The following GABRB1 variants were observed in gnomAD, a reference collection of about 807,000 sequenced individuals.
GABRB1 encodes gamma-aminobutyric acid type A receptor subunit beta1, also known as gamma-aminobutyric acid receptor subunit beta-1.
GABRB1 carries 17 observed loss-of-function variants against 51.6 expected under a neutral mutation model. The ratio of observed to expected loss-of-function variants is 0.33; its 90% CI spans 0.23 to 0.49. The LOEUF (loss-of-function observed/expected upper bound fraction) is 0.49. Among genes scored for constraint, GABRB1 ranks in the 20% least tolerant of loss-of-function variants. GABRB1 has a pLI of 0.99. For synonymous variants in GABRB1, 247 were observed against 218.9 expected, an observed-to-expected ratio of 1.13 and a Z score of -1.14; for missense variants, 410 against 600.6, an observed-to-expected ratio of 0.68 and a Z score of 3.32.
chr4:47,201,793 A>G (rs111708457), intron 4 of GABRB1, among the ~76,000 whole-genome samples: 3,257 of 152,334 alleles, frequency 0.021, 68 homozygotes, highest in Admixed American at 0.037. Flanking sequence ...AAAAATGTCA[A>G]CCAAAATAGC....
At chr4:47,186,226 G>A (rs1719175993) in intron 4 of GABRB1, among the ~76,000 whole-genome samples, 1 of 150,834 alleles carries the variant, frequency 6.6e-6, no homozygotes, top group African/African-American at 2.4e-5. Flanking sequence ...TGGGGGGGCG[G>A]GGGGTAAGTC....
chr4:47,032,816 T>C, intron 3 of GABRB1: 1 of 504,002 alleles, frequency 2.0e-6, no homozygotes, highest in South Asian at 1.7e-5. Flanking sequence ...CACCATCTGC[T>C]GGCAGCCGGG....
At chr4:47,175,256 C>T (rs866049292) in intron 4 of GABRB1, among the ~76,000 whole-genome samples, 1 of 150,412 alleles carries the variant, frequency 6.6e-6, no homozygotes, top group South Asian at 2.1e-4. Context: ...TGAGGTCTTC[C>T]TATGTTGCTC....
chr4:47,123,551 T>A (rs1169493532), intron 3 of GABRB1, among the ~76,000 whole-genome samples: 4 of 38,158 alleles, frequency 1.0e-4, no homozygotes, highest in Non-Finnish European at 1.4e-4. Flanking sequence ...TATAATATAT[T>A]ATATATTATA....
At position 47,006,469 on chromosome 4, in the gene GABRB1, C is replaced by T. The variant is rs1373436623; in HGVS notation, c.-20+12543C>T. Among the ~76,000 whole-genome samples, 9 of 152,238 alleles carry T rather than the reference C, an allele frequency of 5.9e-5. No homozygotes were observed. In the South Asian group the frequency reaches 1.9e-3, roughly 32 times the overall value. On this transcript the variant is annotated intron_variant, in intron 1 of 3. Coordinates refer to the GABRB1 transcript ENST00000513567. ...TTTTATAGGTCAGGTACATCTATTGCATCTATAATATGTCTTATAACATGA... is the reference window on the plus strand; with the variant it reads ...TTTTATAGGTCAGGTACATCTATTGTATCTATAATATGTCTTATAACATGA...
At chr4:47,180,664 A>T (rs977601587) in intron 4 of GABRB1, among the ~76,000 whole-genome samples, 2 of 152,052 alleles carry the variant, frequency 1.3e-5, no homozygotes, top group Non-Finnish European at 2.9e-5. Context: ...TAAATGTAGT[A>T]CTAAGTCCTG....
intron 4 of GABRB1, among the ~76,000 whole-genome samples, chr4:47,218,518 A>G (rs1720644568): frequency 6.6e-6 from 1 of 151,846 alleles, no homozygotes; most frequent in Non-Finnish European, 1.5e-5. Flanking sequence ...CTTTTTGATT[A>G]TAGCCATTCT....
intron 4 of GABRB1, among the ~76,000 whole-genome samples, chr4:47,308,168 C>G (rs567836910): frequency 6.6e-6 from 1 of 151,976 alleles, no homozygotes; most frequent in East Asian, 1.9e-4. Context: ...TATACTGTTT[C>G]CCATTGAAAA....
intron 4 of GABRB1, among the ~76,000 whole-genome samples, chr4:47,175,210 TTCTC>T (rs1356176612): frequency 6.6e-6 from 1 of 150,784 alleles, no homozygotes; most frequent in Non-Finnish European, 1.5e-5. Context: ...CTTTCTTTCT[TTCTC>T]TCTTTCTTCT....
At chr4:47,017,830 A>G (rs1414677541) in intron 1 of GABRB1, among the ~76,000 whole-genome samples, 2 of 152,168 alleles carry the variant, frequency 1.3e-5, no homozygotes, top group Admixed American at 6.5e-5. Context: ...ATTGTTAAGG[A>G]GAAGTTCAGA....
chr4:47,217,708 A>T (rs764425833), intron 4 of GABRB1, among the ~76,000 whole-genome samples: 21 of 149,892 alleles, frequency 1.4e-4, no homozygotes, highest in Non-Finnish European at 3.0e-4. Context: ...TCTCTTTTTT[A>T]TTAATACATA....
At chr4:47,360,463 G>T (rs561966759) in intron 5 of GABRB1, among the ~76,000 whole-genome samples, 4 of 151,816 alleles carry the variant, frequency 2.6e-5, no homozygotes, top group Non-Finnish European at 5.9e-5. Flanking sequence ...TTGAATAGCT[G>T]CCTGTGTTAA....
At position 47,403,461 on chromosome 4, in the gene GABRB1, G is replaced by A. The variant is rs761080325; in HGVS notation, c.682+6G>A. 1 of 1,613,942 alleles carries A rather than the reference G, an allele frequency of 6.2e-7. No individual in the cohort carries two copies. The highest frequency in any genetic ancestry group is 1.1e-5 in the South Asian group (1 of 91,056). ...GAAGGTGGAGTTCACAACAGGTGAG[G>A]TTGTTTCCCCCAAAATGTACTAGGG... On this transcript the variant is annotated splice_donor_region_variant and intron_variant, in intron 6 of 8. Transcript: ENST00000295454.
chr4:47,138,853 C>A (rs1716791436), intron 3 of GABRB1, among the ~76,000 whole-genome samples: 1 of 152,042 alleles, frequency 6.6e-6, no homozygotes, highest in African/African-American at 2.4e-5. Flanking sequence ...GGTAAATTTT[C>A]TAATACATTT....
intron 4 of GABRB1, among the ~76,000 whole-genome samples, chr4:47,217,999 C>T (rs1720620880): frequency 6.6e-6 from 1 of 151,776 alleles, no homozygotes; most frequent in Non-Finnish European, 1.5e-5. Flanking sequence ...CCGCTCATCC[C>T]TTCCCAGCCC....
intron 3 of GABRB1, among the ~76,000 whole-genome samples, chr4:47,105,201 T>G (rs1446371819): frequency 1.3e-5 from 2 of 152,108 alleles, no homozygotes; most frequent in Non-Finnish European, 2.9e-5. Context: ...TACCTCACAT[T>G]TAGGCTGGGT....
chr4:47,344,726 T>G (rs1219325655), intron 5 of GABRB1, among the ~76,000 whole-genome samples: 1 of 151,948 alleles, frequency 6.6e-6, no homozygotes, highest in African/African-American at 2.4e-5. Flanking sequence ...TTTTTTTGTT[T>G]TTTGTTTTTT....
At chr4:47,418,811 C>T (rs938395969) in intron 8 of GABRB1, among the ~76,000 whole-genome samples, 3 of 152,196 alleles carry the variant, frequency 2.0e-5, no homozygotes, top group Admixed American at 1.3e-4. Flanking sequence ...AAGAGTTCTG[C>T]TCTGGCAATT....
At chr4:46,997,499 T>C (rs936275131) in intron 1 of GABRB1, among the ~76,000 whole-genome samples, 39 of 151,670 alleles carry the variant, frequency 2.6e-4, no homozygotes, top group Non-Finnish European at 4.0e-4. Flanking sequence ...TCTCCTAAAT[T>C]CCCCCCTACC....
Sources: allele counts gnomAD v4.1 joint callset (sites outside exome capture counted in the v4.1 genomes callset), GRCh38; gene constraint gnomAD v4.1.1; transcripts MANE v1.5; gene names NCBI Gene and HGNC (gene_info 2026-07-23, HGNC 2026-07-21).